SLC9A6: variants seen among roughly 807,000 people sequenced by gnomAD.
The protein encoded by SLC9A6 is sodium/hydrogen exchanger 6.
SLC9A6 carries 6 observed loss-of-function variants against 45.3 expected under a neutral mutation model. That is an observed-to-expected ratio of 0.13 (90% CI 0.07 to 0.26). SLC9A6 has a LOEUF of 0.26. Among genes scored for constraint, SLC9A6 ranks in the 10% least tolerant of loss-of-function variants. The pLI is 1.00. For missense variants in SLC9A6, 278 were observed against 503.7 expected, an observed-to-expected ratio of 0.55 and a Z score of 4.29; for synonymous variants, 191 against 187.7, an observed-to-expected ratio of 1.02 and a Z score of -0.14.
Position 135,986,118 on chromosome X carries a change from C to G in SLC9A6, c.169+291C>G, listed in dbSNP as rs1311640288. Reference sequence around the variant, plus strand: ...CTTTCCCTGCCTACCAAGCTCGGGACCCGGGGCTGAGGATGGAAAACGAGT... The same window carrying G: ...CTTTCCCTGCCTACCAAGCTCGGGAGCCGGGGCTGAGGATGGAAAACGAGT... On this transcript the variant is annotated intron_variant, in intron 2 of 17. Transcript: ENST00000630721. 2.7e-5 allele frequency among the ~76,000 whole-genome samples: 3 copies of G among 110,351 alleles called. No homozygotes were observed. In the Admixed American group the frequency reaches 2.9e-4, roughly 11 times the overall value.
At chrX:136,014,401 A>C (rs1265269796) in intron 10 of SLC9A6, among the ~76,000 whole-genome samples, 4 of 111,686 alleles carry the variant, frequency 3.6e-5, no homozygotes, top group African/African-American at 1.3e-4. Flanking sequence ...AGTAAAGAGA[A>C]GAAAATCAGC....
At chrX:135,979,574 C>A (rs188049269) in intron 1 of SLC9A6, among the ~76,000 whole-genome samples, 61 of 111,743 alleles carry the variant, frequency 5.5e-4, no homozygotes, top group Middle Eastern at 4.6e-3. Context: ...TCTCTCAGTT[C>A]TTCTTCCTCA....
intron 7 of SLC9A6, among the ~76,000 whole-genome samples, chrX:136,002,436 AG>A (rs1390942955): frequency 8.0e-5 from 9 of 112,473 alleles, no homozygotes; most frequent in Non-Finnish European, 1.7e-4. Context: ...TAAACATTCT[AG>A]AACATTTCCT....
chrX:135,992,367 C>A (rs148176457), intron 2 of SLC9A6, among the ~76,000 whole-genome samples: 60 of 112,180 alleles, frequency 5.3e-4, no homozygotes, highest in African/African-American at 1.9e-3. Context: ...CTGTATCTAG[C>A]CTTTTAGACC....
upstream of SLC9A6, among the ~76,000 whole-genome samples, chrX:135,981,082 C>T (rs1190999738): frequency 9.0e-6 from 1 of 111,335 alleles, no homozygotes; most frequent in Non-Finnish European, 1.9e-5. Context: ...AAGAGGGGCC[C>T]TGTATTAGTC....
Position 136,045,069 on chromosome X carries a change from G to A in SLC9A6, c.*345G>A, listed in dbSNP as rs180710014. On this transcript the variant is annotated 3_prime_UTR_variant, in exon 18 of 18. Transcript: ENST00000630721. ...ACACTTAACCAGAGTACCAGTTCTC[G>A]TGATGTGAATTAATTTTTTTGTGTG... 293 of 183,257 alleles carry A rather than the reference G, an allele frequency of 1.6e-3. 1 individual carries two copies. Among genetic ancestry groups the A allele is most frequent in the African/African-American group, 7.1e-3 (238 of 33,430 alleles). 15.1% of individuals were successfully genotyped at this position (183,257 alleles called of 1,213,427 possible).
At chrX:135,992,631 C>T (rs1556615907) in intron 2 of SLC9A6, among the ~76,000 whole-genome samples, 2 of 111,973 alleles carry the variant, frequency 1.8e-5, no homozygotes. Context: ...TATTCCCCTA[C>T]GTGGAATATA....
At chrX:136,010,833 T>G (rs2070906988) in intron 8 of SLC9A6, among the ~76,000 whole-genome samples, 1 of 112,340 alleles carries the variant, frequency 8.9e-6, no homozygotes, top group Non-Finnish European at 1.9e-5. Flanking sequence ...GATATCTCTC[T>G]GAGGGTGAAT....
intron 15 of SLC9A6, 88 bp downstream of exon 15, chrX:136,030,250 C>T: frequency 1.1e-6 from 1 of 877,795 alleles, no homozygotes; most frequent in Non-Finnish European, 1.7e-6. Flanking sequence ...CTTCAACCTT[C>T]TATTTAGATC....
intron 13 of SLC9A6, among the ~76,000 whole-genome samples, chrX:136,027,130 A>C (rs2071242408): frequency 8.9e-6 from 1 of 112,104 alleles, no homozygotes. Flanking sequence ...TAACATCCAT[A>C]CTTTAGTGAG....
At chrX:135,973,901 T>C, upstream of SLC9A6, 4 of 1,147,869 alleles carry the variant, frequency 3.5e-6, no homozygotes, top group Non-Finnish European at 4.6e-6. Context: ...CCCACGAACC[T>C]GCGCTATGGA....
intron 3 of SLC9A6, among the ~76,000 whole-genome samples, chrX:135,996,760 T>TG (rs782319092): frequency 1.4e-3 from 154 of 111,153 alleles, no homozygotes; most frequent in African/African-American, 5.0e-3. Flanking sequence ...TTTTTGTTTT[T>TG]TTTTGTTTGT....
intron 2 of SLC9A6, among the ~76,000 whole-genome samples, chrX:135,990,801 A>G (rs782128444): frequency 9.0e-6 from 1 of 111,525 alleles, no homozygotes; most frequent in Admixed American, 9.5e-5. Context: ...TAAAATAAAA[A>G]AAAAGAACCA....
chrX:135,984,444 C>T (rs1382216453), upstream of SLC9A6, among the ~76,000 whole-genome samples: 1 of 111,778 alleles, frequency 8.9e-6, no homozygotes, highest in African/African-American at 3.3e-5. Flanking sequence ...ACTTGTAGAT[C>T]ATTCATGTTG....
chrX:136,039,792 G>C (rs1556622281), intron 16 of SLC9A6, among the ~76,000 whole-genome samples: 1 of 111,730 alleles, frequency 9.0e-6, no homozygotes, highest in Non-Finnish European at 1.9e-5. Flanking sequence ...TTGAAATTCA[G>C]ACCAATTTGG....
At chrX:136,027,063 A>G (rs782419242) in intron 13 of SLC9A6, among the ~76,000 whole-genome samples, 1 of 112,047 alleles carries the variant, frequency 8.9e-6, no homozygotes, top group African/African-American at 3.2e-5. Flanking sequence ...GGGTTAAGAA[A>G]TCCTCCTCTA....
chrX:135,984,065 A>AGT (rs2089301201), upstream of SLC9A6, among the ~76,000 whole-genome samples: 1 of 111,348 alleles, frequency 9.0e-6, no homozygotes, highest in African/African-American at 3.3e-5. Context: ...ACATCGTTTG[A>AGT]GTGCTTTTTT....
Position 136,033,438 on chromosome X carries a change from A to G in SLC9A6, c.1606A>G (p.Thr536Ala), listed in dbSNP as rs1556621395. The G allele has an allele frequency of 1.7e-6, 2 of 1,183,014 alleles. No individual in the cohort carries two copies. The highest frequency in any genetic ancestry group is 2.2e-5 in the Admixed American group (1 of 45,429). ...GGGTGTTCCTGAAAATGAAAGGAGA[A>G]CTACCAAAGCAGAGAGTGCTTGGCT... Reference protein sequence around the residue: ...HLGVPENERRTTKAESAWLFR... With the variant: ...HLGVPENERRATKAESAWLFR... Residue 536 changes from threonine to alanine, a missense_variant, in exon 16 of 18, where the codon ACT becomes GCT. Physicochemically the swap from Thr to Ala is moderately conservative, Grantham distance 58 (BLOSUM62 0). Coordinates refer to ENST00000630721, the MANE Select transcript of SLC9A6 (RefSeq NM_001379110.1).
Position 136,004,208 on chromosome X carries a change from C to T in SLC9A6, c.743+1995C>T, listed in dbSNP as rs782119572. Among the ~76,000 whole-genome samples, 4 of 107,208 alleles carry T rather than the reference C, an allele frequency of 3.7e-5. No individual in the cohort carries two copies. The East Asian group carries it at 1.2e-3, about 31-fold the overall frequency. The allele number at this position is 107,208 out of a possible 115,157, so 93.1% of individuals were successfully genotyped here. On this transcript the variant is annotated intron_variant, in intron 7 of 17. Transcript: ENST00000630721. Reference sequence around the variant, plus strand: ...GGTTCAAGCAATTCTCCTGCCTCAGCCTCCCGAGTAGCTGGGACTACGGGC... The same window carrying T: ...GGTTCAAGCAATTCTCCTGCCTCAGTCTCCCGAGTAGCTGGGACTACGGGC...
Sources: gnomAD v4.1 joint callset for allele counts (sites outside exome capture counted in the v4.1 genomes callset) on GRCh38, gnomAD v4.1.1 for gene constraint, MANE v1.5 for transcripts, NCBI Gene and HGNC (gene_info 2026-07-23, HGNC 2026-07-21) for gene names.